Variants in NAALADL2 observed in about 807,000 individuals in gnomAD.
NAALADL2 encodes inactive N-acetylated-alpha-linked acidic dipeptidase-like protein 2.
In NAALADL2, 76 loss-of-function variants were observed where a neutral mutation model predicts 87.2. That is an observed-to-expected ratio of 0.87 (90% CI 0.72 to 1.05). NAALADL2 has a LOEUF of 1.05. NAALADL2 is among the 50% of genes least tolerant of loss of function. The probability of loss-of-function intolerance (pLI) is 0.00; values close to 1 mark genes in which losing one functional copy is unlikely to be tolerated. For missense variants in NAALADL2, 1,089 were observed against 945.8 expected, an observed-to-expected ratio of 1.15 and a Z score of -1.99; for synonymous variants, 354 against 331.0, an observed-to-expected ratio of 1.07 and a Z score of -0.75.
intron 2 of NAALADL2, among the ~76,000 whole-genome samples, chr3:175,138,887 A>AATATATATAT (rs58824117): frequency 0.038 from 3,596 of 94,562 alleles, 124 homozygotes; most frequent in African/African-American, 0.075. Flanking sequence ...AGCCTTTTAA[A>AATATATATAT]ATATATATAT....
chr3:174,835,278 A>G (rs1723194937), intron 3 of NAALADL2, among the ~76,000 whole-genome samples: 1 of 152,136 alleles, frequency 6.6e-6, no homozygotes, highest in African/African-American at 2.4e-5. Flanking sequence ...CGTTTCAACA[A>G]TTGCTGCTGG....
intron 2 of NAALADL2, among the ~76,000 whole-genome samples, chr3:175,113,179 A>C (rs1724494497): frequency 6.6e-6 from 1 of 151,632 alleles, no homozygotes; most frequent in African/African-American, 2.4e-5. Flanking sequence ...TTATAAGATC[A>C]GACAGGGTAA....
chr3:175,743,454 G>T (rs938347158), intron 12 of NAALADL2, among the ~76,000 whole-genome samples: 21 of 152,204 alleles, frequency 1.4e-4, no homozygotes, highest in African/African-American at 4.8e-4. Flanking sequence ...GCAGAGTTGG[G>T]TTTAACCAGG....
intron 1 of NAALADL2, among the ~76,000 whole-genome samples, chr3:174,543,081 G>C (rs1394113731): frequency 1.3e-5 from 2 of 152,172 alleles, no homozygotes; most frequent in African/African-American, 4.8e-5. Context: ...GATTGATAGT[G>C]CAAGAAGGAG....
chr3:174,551,365 A>T (rs983077331), intron 2 of NAALADL2: 3 of 152,204 alleles, frequency 2.0e-5, no homozygotes, highest in Admixed American at 2.0e-4. Context: ...ATATTACCAG[A>T]TATTGTGGAC....
chr3:175,317,100 C>G (rs1223501334), intron 4 of NAALADL2, among the ~76,000 whole-genome samples: 2 of 151,980 alleles, frequency 1.3e-5, no homozygotes, highest in African/African-American at 4.8e-5. Context: ...ATGATTACAC[C>G]CTATTGCTTA....
intron 5 of NAALADL2, among the ~76,000 whole-genome samples, chr3:175,394,151 T>G (rs1318030103): frequency 2.6e-5 from 4 of 152,152 alleles, no homozygotes; most frequent in African/African-American, 9.7e-5. Flanking sequence ...CAAATAAATT[T>G]TACTTTGGTT....
At chr3:174,979,776 G>C (rs59526694) in intron 1 of NAALADL2, among the ~76,000 whole-genome samples, 2,388 of 152,028 alleles carry the variant, frequency 0.016, 36 homozygotes, top group African/African-American at 0.04. Flanking sequence ...ATATAATTTT[G>C]TCAAAAATGC....
intron 5 of NAALADL2, among the ~76,000 whole-genome samples, chr3:175,356,630 C>T (rs1386688058): frequency 1.5e-5 from 2 of 133,738 alleles, no homozygotes; most frequent in African/African-American, 5.3e-5. Flanking sequence ...AAGAAAATAC[C>T]ATTGTATTCA....
Position 175,388,247 on chromosome 3 carries a change from C to A in NAALADL2, c.1091-58982C>A, listed in dbSNP as rs754269818. Among the ~76,000 whole-genome samples the A allele has an allele frequency of 3.9e-5, 6 of 152,122 alleles. No individual in the cohort carries two copies. The South Asian group carries it at 1.2e-3, about 32-fold the overall frequency. ...ATGAAGATCTATCTGATAGTAGAGG[C>A]GCTAGCTAGCCACCTTACTTTGGAT... On this transcript the variant is annotated intron_variant, in intron 5 of 13. Transcript: ENST00000454872.
intron 11 of NAALADL2, among the ~76,000 whole-genome samples, chr3:175,715,099 T>C (rs1741054694): frequency 1.3e-5 from 2 of 152,188 alleles, no homozygotes; most frequent in South Asian, 4.1e-4. Flanking sequence ...AATAATGTAT[T>C]AATCATACGT....
intron 11 of NAALADL2, among the ~76,000 whole-genome samples, chr3:175,708,442 T>A (rs1246896473): frequency 6.6e-6 from 1 of 152,046 alleles, no homozygotes; most frequent in Admixed American, 6.6e-5. Flanking sequence ...AGAGAAGCAG[T>A]CAGATTCAAG....
chr3:174,920,344 A>C (rs551313027), intron 1 of NAALADL2, among the ~76,000 whole-genome samples: 28 of 152,360 alleles, frequency 1.8e-4, no homozygotes, highest in African/African-American at 6.7e-4. Flanking sequence ...TATTGTAGGT[A>C]GATATTCTGG....
chr3:175,563,293 T>C (rs916772025), intron 9 of NAALADL2, among the ~76,000 whole-genome samples: 1 of 152,206 alleles, frequency 6.6e-6, no homozygotes. Context: ...GCACCTACTT[T>C]TCACAAGGTA....
In NAALADL2 at chr3:175,679,700, T is replaced by A. The variant is rs377514272; in HGVS notation, c.1896+52314T>A. ...GTCAATACGAAATCTGTTTTACCCGTGATAAACAAATGACTAGCTGGTATT... is the reference window on the plus strand; with the variant it reads ...GTCAATACGAAATCTGTTTTACCCGAGATAAACAAATGACTAGCTGGTATT... On this transcript the variant is annotated intron_variant, in intron 11 of 13. Coordinates refer to ENST00000454872, the MANE Select transcript of NAALADL2 (RefSeq NM_207015.3). Among the ~76,000 whole-genome samples, 6 of 152,288 alleles carry A rather than the reference T, an allele frequency of 3.9e-5. No homozygotes were observed. In the East Asian group the frequency reaches 7.7e-4, roughly 20 times the overall value.
intron 2 of NAALADL2, among the ~76,000 whole-genome samples, chr3:175,163,101 T>C (rs1733482210): frequency 6.6e-6 from 1 of 152,146 alleles, no homozygotes; most frequent in Non-Finnish European, 1.5e-5. Flanking sequence ...AGTTAGTCTG[T>C]ACTTAGTTCA....
intron 3 of NAALADL2, among the ~76,000 whole-genome samples, chr3:175,241,110 G>A (rs903393565): frequency 4.6e-5 from 7 of 152,052 alleles, no homozygotes; most frequent in African/African-American, 1.4e-4. Context: ...TTTTAAATCT[G>A]CATACAGTCC....
At chr3:174,480,276 T>C (rs377319999) in intron 1 of NAALADL2, among the ~76,000 whole-genome samples, 28 of 152,142 alleles carry the variant, frequency 1.8e-4, no homozygotes, top group African/African-American at 4.3e-4. Context: ...CTCATGGGAG[T>C]TGGTGGTAGA....
rs576871012 is a variant in NAALADL2 at position 175,044,603 on chromosome 3, A to AT, written c.44-52181dup. On this transcript the variant is annotated intron_variant, in intron 1 of 13. Coordinates refer to ENST00000454872, the MANE Select transcript of NAALADL2 (RefSeq NM_207015.3). ...CATATAATCTTCTGTCACTTCAGGT[A>AT]TTTTTTATAGGTGAGAGTGATAAGC... Among the ~76,000 whole-genome samples the AT allele has an allele frequency of 6.6e-5, 10 of 152,230 alleles. No individual in the cohort carries two copies. The Middle Eastern group carries it at 0.01, about 155-fold the overall frequency.
Sources: allele counts gnomAD v4.1 joint callset (sites outside exome capture counted in the v4.1 genomes callset), GRCh38; gene constraint gnomAD v4.1.1; transcripts MANE v1.5; gene names NCBI Gene and HGNC (gene_info 2026-07-23, HGNC 2026-07-21).